ACADSB: variants seen among roughly 807,000 people sequenced by gnomAD.
The protein encoded by ACADSB is acyl-CoA dehydrogenase short/branched chain, also known as short/branched chain specific acyl-CoA dehydrogenase, mitochondrial.
Under a neutral mutation model 54.1 loss-of-function variants are expected in ACADSB, and 40 were observed. The ratio of observed to expected loss-of-function variants is 0.74; its 90% confidence interval spans 0.57 to 0.96. The LOEUF (loss-of-function observed/expected upper bound fraction) is 0.96. Ranked by LOEUF, ACADSB falls within the 40% of genes least tolerant of loss-of-function variation. The pLI, the probability that ACADSB is intolerant of heterozygous loss-of-function variation, is 0.00. For synonymous variants in ACADSB, 182 were observed against 182.8 expected (o/e 1.00, Z 0.03); for missense variants, 530 against 510.4 (o/e 1.04, Z -0.37).
rs1023410406 is a variant in ACADSB at position 123,051,317 on chromosome 10, G to T, written c.1128+131G>T. On this transcript the variant is annotated intron_variant, in intron 9 of 10. Transcript: ENST00000358776. The stretch of plus-strand genomic sequence containing the variant: ...TTGTTTTTCAAGTTAAGATAACATG[G>T]ACTTTTATTTCTTATAATAGAAAAG... 1.3e-5 allele frequency: 15 copies of T among 1,187,696 alleles called. 1 individual carries two copies. The highest frequency in any genetic ancestry group is 3.1e-5 in the Admixed American group (1 of 31,952). The allele number at this position is 1,187,696 out of a possible 1,614,324, so 73.6% of individuals were successfully genotyped here.
intron 1 of ACADSB, among the ~76,000 whole-genome samples, chr10:123,029,606 A>G (rs1850301247): frequency 6.6e-6 from 1 of 152,174 alleles, no homozygotes; most frequent in Non-Finnish European, 1.5e-5. Context: ...TATTTTCAAG[A>G]TTTGTCCATG....
intron 2 of ACADSB, among the ~76,000 whole-genome samples, chr10:123,035,778 C>T (rs1850390534): frequency 6.6e-6 from 1 of 152,168 alleles, no homozygotes. Flanking sequence ...TCCTGGAGGC[C>T]TCTGTATTCC....
At chr10:123,047,537 G>A (rs1007242281) in intron 8 of ACADSB, among the ~76,000 whole-genome samples, 18 of 152,212 alleles carry the variant, frequency 1.2e-4, no homozygotes, top group Non-Finnish European at 2.5e-4. Context: ...GGTGAGCACC[G>A]TGAAGCTGTC....
At chr10:123,014,363 T>C (rs1484458723) in intron 1 of ACADSB, among the ~76,000 whole-genome samples, 1 of 152,246 alleles carries the variant, frequency 6.6e-6, no homozygotes, top group Non-Finnish European at 1.5e-5. Context: ...AGACAGGATC[T>C]TGTTCTGTCA....
intron 1 of ACADSB, among the ~76,000 whole-genome samples, chr10:123,025,345 T>C (rs1850237565): frequency 6.6e-6 from 1 of 151,936 alleles, no homozygotes; most frequent in African/African-American, 2.4e-5. Flanking sequence ...GCACGTATAG[T>C]CCCAGCTACT....
At chr10:123,042,457 CTT>C (rs60480402) in intron 5 of ACADSB, among the ~76,000 whole-genome samples, 7,551 of 115,482 alleles carry the variant, frequency 0.065, 131 homozygotes, top group Non-Finnish European at 0.087. Context: ...ATTGTTAAAA[CTT>C]TTTTTTTTTT....
rs1326760844 is a variant in ACADSB, at chr10:123,055,805, A to G, written c.*2040A>G. Reference sequence around the variant, plus strand: ...GGCAGTCAAATTTTAAACCTCCAAAATGATCACCTTTGACTCCACGTCTCA... The same window carrying G: ...GGCAGTCAAATTTTAAACCTCCAAAGTGATCACCTTTGACTCCACGTCTCA... On this transcript the variant is annotated 3_prime_UTR_variant, in exon 11 of 11. Coordinates refer to ENST00000358776, the MANE Select transcript of ACADSB (RefSeq NM_001609.4). 1 of 152,170 alleles carries G rather than the reference A, an allele frequency of 6.6e-6. No homozygotes were observed. Among genetic ancestry groups the G allele is most frequent in the Non-Finnish European group, 1.5e-5 (1 of 68,050 alleles). The allele number at this position is 152,170 out of a possible 1,614,324, so 9.4% of individuals were successfully genotyped here.
In ACADSB at chr10:123,034,382, G is replaced by A. The variant is rs943794094; in HGVS notation, c.69G>A (p.Leu23=). 6.2e-7 allele frequency: 1 copy of A among 1,613,788 alleles called. No homozygotes were observed. Among genetic ancestry groups the A allele is most frequent in the Non-Finnish European group, 8.5e-7 (1 of 1,179,974 alleles). ...RLLRRNFLTC[L]SSWKIPPHVS... is the part of the protein sequence containing the mutation. ...TAAGAAGAAATTTCCTGACTTGTTT[G>A]TCTTCTTGGAAGATTCCTCCTCATG... Residue 23 remains leucine, a synonymous_variant, in exon 2 of 11, where the codon TTG becomes TTA. Transcript: ENST00000358776.
At chr10:123,025,621 C>T (rs909634047) in intron 1 of ACADSB, among the ~76,000 whole-genome samples, 5 of 151,910 alleles carry the variant, frequency 3.3e-5, no homozygotes, top group South Asian at 2.1e-4. Context: ...GTATAAAGCT[C>T]CTGGAAATCA....
intron 1 of ACADSB, among the ~76,000 whole-genome samples, chr10:123,026,370 C>T (rs1022756293): frequency 1.8e-4 from 28 of 152,188 alleles, no homozygotes; most frequent in Admixed American, 3.9e-4. Flanking sequence ...GCCCCTCTAT[C>T]ATCACCATTT....
At chr10:123,046,807 A>G (rs1850565618) in intron 7 of ACADSB, among the ~76,000 whole-genome samples, 1 of 152,234 alleles carries the variant, frequency 6.6e-6, no homozygotes, top group African/African-American at 2.4e-5. Context: ...TTCTAGAAGA[A>G]CTGGAGGGCC....
chr10:123,013,650 G>A (rs948804246), intron 1 of ACADSB, among the ~76,000 whole-genome samples: 7 of 152,212 alleles, frequency 4.6e-5, no homozygotes, highest in South Asian at 2.1e-4. Context: ...GGCCTGCCCC[G>A]CGGAGAGGCA....
At position 123,009,042 on chromosome 10, in the gene ACADSB, G is replaced by T; in HGVS notation, c.13G>T (p.Ala5Ser). The stretch of plus-strand genomic sequence containing the variant: ...GCCTGCGGCGAGGATGGAGGGCCTG[G>T]CAGTGCGGTTGCTGCGCGGCAGCAG... The part of the protein sequence containing the change: MEGL[A>S]VRLLRGSRLL... The change falls in exon 1 of 11, where the codon GCA (alanine) becomes TCA (serine). Residue 5 changes from alanine to serine, a missense_variant. By Grantham distance (99) the Ala-to-Ser change is moderately conservative. Coordinates refer to ENST00000358776, the MANE Select transcript of ACADSB (RefSeq NM_001609.4). The T allele has an allele frequency of 6.5e-7, 1 of 1,548,012 alleles. No homozygotes were observed.
At chr10:123,035,714 G>A (rs574040397) in intron 2 of ACADSB, among the ~76,000 whole-genome samples, 2 of 152,252 alleles carry the variant, frequency 1.3e-5, no homozygotes, top group Non-Finnish European at 2.9e-5. Context: ...CTTTGCTGTT[G>A]CAGGGCTGAG....
At chr10:123,014,269 A>C (rs1302015523) in intron 1 of ACADSB, among the ~76,000 whole-genome samples, 4 of 152,230 alleles carry the variant, frequency 2.6e-5, no homozygotes, top group African/African-American at 9.6e-5. Context: ...AAATGTTCTT[A>C]AGTACTTAGA....
Position 123,043,026 on chromosome 10 carries a change from G to T in ACADSB, c.682-20G>T, listed in dbSNP as rs142778552. On this transcript the variant is annotated intron_variant, in intron 5 of 10. Coordinates refer to ENST00000358776, the MANE Select transcript of ACADSB (RefSeq NM_001609.4). ...TTTTATAAATCCAAGTGGTAATAGCGTTTTAATTCTTCTTTTTAGGGATAT... is the reference window on the plus strand; with the variant it reads ...TTTTATAAATCCAAGTGGTAATAGCTTTTTAATTCTTCTTTTTAGGGATAT... 1.2e-6 allele frequency: 2 copies of T among 1,611,746 alleles called. No homozygotes were observed. The highest frequency in any genetic ancestry group is 1.7e-6 in the Non-Finnish European group (2 of 1,178,420).
intron 1 of ACADSB, among the ~76,000 whole-genome samples, chr10:123,032,884 T>C (rs1850346556): frequency 6.6e-6 from 1 of 152,040 alleles, no homozygotes; most frequent in African/African-American, 2.4e-5. Context: ...CCACCATGCC[T>C]GGCCTCCAAT....
At chr10:123,025,277 C>T (rs1466838386) in intron 1 of ACADSB, among the ~76,000 whole-genome samples, 5 of 152,022 alleles carry the variant, frequency 3.3e-5, no homozygotes, top group African/African-American at 9.6e-5. Flanking sequence ...GGCAACATAG[C>T]GAGACCTCGT....
chr10:123,039,962 A>T (rs144667579), intron 3 of ACADSB, among the ~76,000 whole-genome samples: 222 of 152,332 alleles, frequency 1.5e-3, no homozygotes, highest in African/African-American at 5.1e-3. Flanking sequence ...TTTCAAATAT[A>T]CAGTTTCTGT....
Sources: allele counts gnomAD v4.1 joint callset (sites outside exome capture counted in the v4.1 genomes callset), GRCh38; gene constraint gnomAD v4.1.1; transcripts MANE v1.5; gene names NCBI Gene and HGNC (gene_info 2026-07-23, HGNC 2026-07-21).